ENOX1: variants seen among roughly 807,000 people sequenced by gnomAD.
ENOX1 encodes the protein ecto-NOX disulfide-thiol exchanger 1.
ENOX1 carries 42 observed loss-of-function variants against 82.5 expected under a neutral mutation model. The ratio of observed to expected loss-of-function variants is 0.51; its 90% CI spans 0.40 to 0.66. The LOEUF is 0.66. Ranked by LOEUF, ENOX1 falls within the 30% of genes least tolerant of loss-of-function variation. ENOX1 has a pLI of 0.00. For synonymous variants in ENOX1, 271 were observed against 282.2 expected (o/e 0.96, Z 0.40); for missense variants, 608 against 811.6 (o/e 0.75, Z 3.05).
intron 9 of ENOX1, among the ~76,000 whole-genome samples, chr13:43,344,114 CT>C (rs1253540544): frequency 1.3e-5 from 2 of 152,216 alleles, no homozygotes; most frequent in African/African-American, 4.8e-5. Context: ...TGATAGTACC[CT>C]TTTCCTACAC....
rs59390732 is a variant in ENOX1, at chr13:43,633,688, ATGTGTG to A, written c.-219+33785_-219+33790del. On this transcript the variant is annotated intron_variant, in intron 2 of 16. Transcript: ENST00000690772. ...GCTATTTACATTTTAAAATGTGTGTATGTGTGTGTGTGTGTGTGTGTGTGTGGATAG... is the reference window on the plus strand; with the variant it reads ...GCTATTTACATTTTAAAATGTGTGTATGTGTGTGTGTGTGTGTGTGGATAG... Among the ~76,000 whole-genome samples, 55 of 149,940 alleles carry A rather than the reference ATGTGTG, an allele frequency of 3.7e-4. No individual in the cohort carries two copies. The East Asian group carries it at 3.9e-3, about 11-fold the overall frequency.
intron 1 of ENOX1, among the ~76,000 whole-genome samples, chr13:43,712,954 A>G (rs1028149903): frequency 7.2e-5 from 11 of 152,106 alleles, no homozygotes; most frequent in African/African-American, 2.7e-4. Flanking sequence ...ACTATGTTGA[A>G]TAAGAGTGGT....
At chr13:43,577,825 T>C (rs1428687437) in intron 2 of ENOX1, among the ~76,000 whole-genome samples, 1 of 152,200 alleles carries the variant, frequency 6.6e-6, no homozygotes, top group Non-Finnish European at 1.5e-5. Context: ...CTTCAAACTC[T>C]TGGCCTTCTC....
intron 1 of ENOX1, among the ~76,000 whole-genome samples, chr13:43,760,454 G>A (rs1309811541): frequency 2.0e-5 from 3 of 152,084 alleles, no homozygotes; most frequent in African/African-American, 7.2e-5. Context: ...ACTGCATGCT[G>A]TCCCCTGCCA....
chr13:43,235,161 T>G (rs1374098652), intron 15 of ENOX1, among the ~76,000 whole-genome samples: 3 of 152,350 alleles, frequency 2.0e-5, no homozygotes, highest in Admixed American at 6.5e-5. Context: ...ACATATGGGT[T>G]CGTTTTGGGT....
chr13:43,285,281 A>ATGAT (rs931759553), intron 12 of ENOX1, among the ~76,000 whole-genome samples: 7 of 152,236 alleles, frequency 4.6e-5, no homozygotes, highest in African/African-American at 1.7e-4. Flanking sequence ...GTATTTAAAA[A>ATGAT]TGATTAACAC....
At chr13:43,573,676 C>A (rs992254386) in intron 2 of ENOX1, among the ~76,000 whole-genome samples, 1 of 152,156 alleles carries the variant, frequency 6.6e-6, no homozygotes, top group African/African-American at 2.4e-5. Flanking sequence ...GAGGGCTACA[C>A]ATTTCATTCC....
At chr13:43,510,544 T>C (rs1171137287) in intron 2 of ENOX1, among the ~76,000 whole-genome samples, 1 of 152,158 alleles carries the variant, frequency 6.6e-6, no homozygotes, top group Non-Finnish European at 1.5e-5. Flanking sequence ...TTACTCTGCA[T>C]AATCCAATTC....
chr13:43,440,582 C>T (rs1414904139), intron 3 of ENOX1, among the ~76,000 whole-genome samples: 1 of 152,240 alleles, frequency 6.6e-6, no homozygotes, highest in African/African-American at 2.4e-5. Context: ...CTATCTGCTA[C>T]TACTTTCGCA....
intron 1 of ENOX1, among the ~76,000 whole-genome samples, chr13:43,742,435 C>A (rs1049060877): frequency 6.6e-6 from 1 of 151,878 alleles, no homozygotes; most frequent in Non-Finnish European, 1.5e-5. Flanking sequence ...CAGAGAGAGA[C>A]AGTGTGTGTG....
chr13:43,728,224 T>G (rs2089110507), intron 1 of ENOX1, among the ~76,000 whole-genome samples: 1 of 152,236 alleles, frequency 6.6e-6, no homozygotes, highest in Admixed American at 6.5e-5. Context: ...GAGAACCTTC[T>G]TTTTCTTGAA....
At chr13:43,403,617 C>T (rs1355630237) in intron 5 of ENOX1, among the ~76,000 whole-genome samples, 1 of 152,128 alleles carries the variant, frequency 6.6e-6, no homozygotes, top group Non-Finnish European at 1.5e-5. Flanking sequence ...CTGAGGCGGG[C>T]AGATTGCTTG....
intron 2 of ENOX1, among the ~76,000 whole-genome samples, chr13:43,658,328 A>C (rs1402810902): frequency 6.6e-6 from 1 of 152,152 alleles, no homozygotes; most frequent in South Asian, 2.1e-4. Flanking sequence ...TGTTTCTCTT[A>C]CTACTTCTTA....
intron 3 of ENOX1, among the ~76,000 whole-genome samples, chr13:43,418,280 C>T (rs1312704364): frequency 1.3e-5 from 2 of 152,200 alleles, no homozygotes; most frequent in Non-Finnish European, 2.9e-5. Flanking sequence ...GTAATCCCAG[C>T]ACTTTGGGAG....
At chr13:43,401,318 A>G (rs2053483366) in intron 5 of ENOX1, among the ~76,000 whole-genome samples, 1 of 152,216 alleles carries the variant, frequency 6.6e-6, no homozygotes, top group South Asian at 2.1e-4. Flanking sequence ...CAAACAAAAT[A>G]TATGAAATGA....
chr13:43,682,406 A>G (rs2085835958), intron 1 of ENOX1, among the ~76,000 whole-genome samples: 1 of 152,114 alleles, frequency 6.6e-6, no homozygotes, highest in Non-Finnish European at 1.5e-5. Context: ...AGTAGGCTAG[A>G]CCTGCAGAAG....
At chr13:43,594,912 C>T (rs2081396077) in intron 2 of ENOX1, among the ~76,000 whole-genome samples, 1 of 152,068 alleles carries the variant, frequency 6.6e-6, no homozygotes, top group South Asian at 2.1e-4. Context: ...TGCATCACCA[C>T]AGCTTTCACT....
At chr13:43,491,443 C>T (rs2076615878) in intron 2 of ENOX1, among the ~76,000 whole-genome samples, 1 of 152,072 alleles carries the variant, frequency 6.6e-6, no homozygotes, top group South Asian at 2.1e-4. Flanking sequence ...AATGGGTCAT[C>T]CTCAGGCTAT....
At chr13:43,306,836 C>T (rs1236906870) in intron 11 of ENOX1, among the ~76,000 whole-genome samples, 2 of 13,182 alleles carry the variant, frequency 1.5e-4, no homozygotes, top group Non-Finnish European at 2.6e-3. Context: ...AACACACACA[C>T]GCACACACAC....
Sources: allele counts gnomAD v4.1 joint callset (sites outside exome capture counted in the v4.1 genomes callset), GRCh38; gene constraint gnomAD v4.1.1; transcripts MANE v1.5; gene names NCBI Gene and HGNC (gene_info 2026-07-23, HGNC 2026-07-21).